DGKG: variants seen among roughly 807,000 people sequenced by gnomAD.
DGKG encodes diacylglycerol kinase gamma, also known as DAG kinase gamma.
Under a neutral mutation model 105.3 loss-of-function variants are expected in DGKG, and 78 were observed. That is an observed-to-expected ratio of 0.74 (90% CI 0.62 to 0.89). DGKG has a LOEUF of 0.89. DGKG is among the 40% of genes least tolerant of loss of function. The pLI is 0.00. For missense variants in DGKG, 958 were observed against 1,020.1 expected, an observed-to-expected ratio of 0.94 and a Z score of 0.83; for synonymous variants, 346 against 367.1, an observed-to-expected ratio of 0.94 and a Z score of 0.66.
rs115720177 is a variant in DGKG, at chr3:186,242,823, G to A, written c.1762-255C>T. Among the ~76,000 whole-genome samples, 798 of 152,164 alleles carry A rather than the reference G, an allele frequency of 5.2e-3. 2 individuals carry two copies. Among genetic ancestry groups the A allele is most frequent in the Non-Finnish European group, 9.6e-3 (653 of 68,020 alleles). On this transcript the variant is annotated intron_variant, in intron 19 of 24. Transcript: ENST00000265022. ...AGTCCTTGCTATTTCACTCTAGCCC[G>A]GACCCGCTGAGAACAGATAGATAGT... is the stretch of plus-strand genomic sequence containing the variant.
chr3:186,345,854 C>T (rs1726305516), intron 1 of DGKG, among the ~76,000 whole-genome samples: 2 of 152,212 alleles, frequency 1.3e-5, no homozygotes, highest in African/African-American at 2.4e-5. Flanking sequence ...ACTGCAACCT[C>T]CGCCTCATGA....
At chr3:186,269,276 A>G (rs1037887273) in intron 11 of DGKG, among the ~76,000 whole-genome samples, 1 of 152,234 alleles carries the variant, frequency 6.6e-6, no homozygotes, top group South Asian at 2.1e-4. Context: ...GGAAGGCAGC[A>G]TGGTGCAGAG....
chr3:186,229,300 G>T (rs1031629053), intron 20 of DGKG, among the ~76,000 whole-genome samples: 5 of 151,736 alleles, frequency 3.3e-5, no homozygotes, highest in African/African-American at 1.2e-4. Context: ...GAGTGCAGTG[G>T]CATGATCTCG....
intron 2 of DGKG, among the ~76,000 whole-genome samples, chr3:186,308,664 G>A (rs1724374003): frequency 1.3e-5 from 2 of 152,162 alleles, no homozygotes; most frequent in African/African-American, 2.4e-5. Flanking sequence ...CCTAAAAATG[G>A]AAATTTCTTT....
rs78446415 is a variant in DGKG at position 186,310,654 on chromosome 3, T to C, written c.68-3677A>G. On this transcript the variant is annotated intron_variant, in intron 2 of 24. Coordinates refer to ENST00000265022, the MANE Select transcript of DGKG (RefSeq NM_001346.3). ...GCATCCCTTGGTCTTATTTTAGGTG[T>C]CATCTGTGGGTCCAATAGTATAACC... is the stretch of plus-strand genomic sequence containing the variant. 1.6e-4 allele frequency among the ~76,000 whole-genome samples: 25 copies of C among 152,316 alleles called. No homozygotes were observed. In the East Asian group the frequency reaches 4.2e-3, roughly 26 times the overall value.
intron 20 of DGKG, among the ~76,000 whole-genome samples, chr3:186,223,378 A>G (rs1719692146): frequency 6.6e-6 from 1 of 151,872 alleles, no homozygotes; most frequent in Admixed American, 6.5e-5. Flanking sequence ...GCAATCCTAA[A>G]ACTCTAGGAT....
intron 22 of DGKG, among the ~76,000 whole-genome samples, chr3:186,168,469 C>T (rs1016969666): frequency 6.6e-6 from 1 of 152,224 alleles, no homozygotes; most frequent in Non-Finnish European, 1.5e-5. Context: ...GGGTTCCAAT[C>T]TGGCCCATCC....
chr3:186,350,520 T>C (rs1233939969), intron 1 of DGKG, among the ~76,000 whole-genome samples: 1 of 152,248 alleles, frequency 6.6e-6, no homozygotes, highest in African/African-American at 2.4e-5. Flanking sequence ...TTTTATCTCT[T>C]AGCTATTGTG....
At chr3:186,295,782 A>T (rs1723526935) in intron 5 of DGKG, among the ~76,000 whole-genome samples, 1 of 152,020 alleles carries the variant, frequency 6.6e-6, no homozygotes, top group Non-Finnish European at 1.5e-5. Context: ...CTGAGGTTGC[A>T]GGCTGAAGGA....
In DGKG at chr3:186,150,289, G is replaced by A. The variant is rs1042070204; in HGVS notation, c.2278-101C>T. 8.5e-6 allele frequency: 12 copies of A among 1,417,022 alleles called. No homozygotes were observed. The South Asian group carries it at 1.6e-4, about 19-fold the overall frequency. The allele number at this position is 1,417,022 out of a possible 1,614,324, so 87.8% of individuals were successfully genotyped here. On this transcript the variant is annotated intron_variant, in intron 24 of 24. Transcript: ENST00000265022. ...AGGAAAGGCCAGCTTCAGGATGGAA[G>A]GAGCCCCATGCAGAAGGACAACTGT...
At chr3:186,351,963 G>A (rs1022975321) in intron 1 of DGKG, among the ~76,000 whole-genome samples, 3 of 152,192 alleles carry the variant, frequency 2.0e-5, no homozygotes, top group Non-Finnish European at 4.4e-5. Flanking sequence ...CTGAACATTG[G>A]CATAGTTGGT....
chr3:186,329,447 T>C (rs530308305), intron 1 of DGKG, among the ~76,000 whole-genome samples: 1 of 152,322 alleles, frequency 6.6e-6, no homozygotes, highest in African/African-American at 2.4e-5. Context: ...CTCTATTCAT[T>C]TGAATGAATC....
intron 1 of DGKG, among the ~76,000 whole-genome samples, chr3:186,330,486 G>T (rs182491555): frequency 1.3e-5 from 2 of 152,182 alleles, no homozygotes; most frequent in Non-Finnish European, 2.9e-5. Context: ...ATTAGAAGTG[G>T]TGCTGTGCCT....
chr3:186,215,904 AC>A (rs1411992137), intron 20 of DGKG, among the ~76,000 whole-genome samples: 2 of 151,748 alleles, frequency 1.3e-5, no homozygotes, highest in African/African-American at 4.8e-5. Context: ...CATCCATTAA[AC>A]ATTTATGGAC....
chr3:186,265,404 G>A, intron 13 of DGKG, 98 bp from the exon 14 acceptor site: 1 of 1,120,140 alleles, frequency 8.9e-7, no homozygotes, highest in Non-Finnish European at 1.3e-6. Context: ...TAAAGAAAGA[G>A]ATCAGAAAGC....
intron 1 of DGKG, among the ~76,000 whole-genome samples, chr3:186,325,250 G>A (rs1428098342): frequency 6.6e-6 from 1 of 152,142 alleles, no homozygotes; most frequent in Admixed American, 6.5e-5. Flanking sequence ...AGGGGGCAGG[G>A]GGAAGGGGCA....
chr3:186,148,363 G>A lies in DGKG; in HGVS notation c.*1727C>T. ...TATGATGACCATGATGAGGTGACAT[G>A]TGGAGAGTTCAGTCTGATGATCTGT... On this transcript the variant is annotated 3_prime_UTR_variant, in exon 25 of 25. Coordinates refer to ENST00000265022, the MANE Select transcript of DGKG (RefSeq NM_001346.3). The A allele has an allele frequency of 1.0e-6, 1 of 985,484 alleles. No individual in the cohort carries two copies. Among genetic ancestry groups the A allele is most frequent in the Non-Finnish European group, 1.2e-6 (1 of 829,948 alleles). 61.0% of individuals were successfully genotyped at this position (985,484 alleles called of 1,614,324 possible).
rs1553820127 is a variant in DGKG at position 186,320,382 on chromosome 3, C to T, written c.67+11G>A. 1.2e-6 allele frequency: 2 copies of T among 1,614,136 alleles called. No homozygotes were observed. The highest frequency in any genetic ancestry group is 1.7e-6 in the Non-Finnish European group (2 of 1,179,992). The stretch of plus-strand genomic sequence containing the variant: ...AAATCCCGTCCCAGGGCTGTCAATG[C>T]ATTTACTCACATTCTGAATATTTCT... On this transcript the variant is annotated intron_variant, in intron 2 of 24. Coordinates refer to ENST00000265022, the MANE Select transcript of DGKG (RefSeq NM_001346.3).
chr3:186,207,179 T>C (rs1423015855), intron 21 of DGKG, among the ~76,000 whole-genome samples: 1 of 152,200 alleles, frequency 6.6e-6, no homozygotes, highest in Non-Finnish European at 1.5e-5. Context: ...GTTTGCAATA[T>C]TTTTTTATGC....
Sources: gnomAD v4.1 joint callset for allele counts (sites outside exome capture counted in the v4.1 genomes callset) on GRCh38, gnomAD v4.1.1 for gene constraint, MANE v1.5 for transcripts, NCBI Gene and HGNC (gene_info 2026-07-23, HGNC 2026-07-21) for gene names.